AGBL4: variants seen among roughly 807,000 people sequenced by gnomAD.
AGBL4 encodes cytosolic carboxypeptidase 6.
Under a neutral mutation model 66.4 loss-of-function variants are expected in AGBL4, and 58 were observed. The observed-to-expected ratio is 0.87, with a 90% CI of 0.71 to 1.09. The LOEUF (loss-of-function observed/expected upper bound fraction) is 1.09, where lower values mean the gene tolerates loss of function less well. Ranked by LOEUF, AGBL4 falls within the 50% of genes least tolerant of loss-of-function variation. AGBL4 has a pLI of 0.00. For synonymous variants in AGBL4, 234 were observed against 222.9 expected (o/e 1.05, Z -0.44); for missense variants, 579 against 631.0 (o/e 0.92, Z 0.88).
At chr1:49,404,130 C>G (rs1255060958) in intron 3 of AGBL4, among the ~76,000 whole-genome samples, 1 of 152,150 alleles carries the variant, frequency 6.6e-6, no homozygotes, top group Non-Finnish European at 1.5e-5. Flanking sequence ...GGCCACCCCC[C>G]ATTCATACAT....
intron 11 of AGBL4, among the ~76,000 whole-genome samples, chr1:48,580,267 A>G (rs1040292310): frequency 6.6e-6 from 1 of 152,202 alleles, no homozygotes; most frequent in Admixed American, 6.5e-5. Context: ...GGGTGTGTCT[A>G]AAGAAGTTCG....
chr1:48,750,266 G>A (rs962847957), intron 6 of AGBL4, among the ~76,000 whole-genome samples: 2 of 152,146 alleles, frequency 1.3e-5, no homozygotes, highest in African/African-American at 4.8e-5. Context: ...ACCTGTAGGA[G>A]GGGCTGGGGT....
intron 8 of AGBL4, among the ~76,000 whole-genome samples, chr1:48,642,191 G>T (rs992847403): frequency 6.6e-6 from 1 of 152,096 alleles, no homozygotes; most frequent in Admixed American, 6.5e-5. Flanking sequence ...TGTGCCCAAG[G>T]TTTATAGCAA....
At chr1:49,217,910 C>A (rs1440021306) in intron 4 of AGBL4, among the ~76,000 whole-genome samples, 4 of 152,072 alleles carry the variant, frequency 2.6e-5, no homozygotes. Flanking sequence ...TCCAATCTTC[C>A]TACCAGGGCA....
At chr1:48,836,856 G>C (rs1055625871) in intron 6 of AGBL4, among the ~76,000 whole-genome samples, 1 of 151,710 alleles carries the variant, frequency 6.6e-6, no homozygotes, top group African/African-American at 2.4e-5. Flanking sequence ...AATATTTACA[G>C]AACTTCTTTT....
chr1:50,023,756 C>A lies in AGBL4; in HGVS notation c.34+7G>T, dbSNP rs540520422. 3 of 1,549,160 alleles carry A rather than the reference C, an allele frequency of 1.9e-6. No individual in the cohort carries two copies. Among genetic ancestry groups the A allele is most frequent in the South Asian group, 1.2e-5 (1 of 83,774 alleles). ...CAGCCTTCCCCAGATCGGCCGCCCC[C>A]ACAGACCTGCCTCAGGCGCCGACTG... On this transcript the variant is annotated splice_region_variant and intron_variant, in intron 1 of 13. Transcript: ENST00000371839.
intron 6 of AGBL4, among the ~76,000 whole-genome samples, chr1:48,664,273 A>G (rs923036027): frequency 3.3e-5 from 5 of 152,176 alleles, no homozygotes; most frequent in Non-Finnish European, 5.9e-5. Flanking sequence ...TCTTTGTTGG[A>G]TGTGCATACA....
chr1:49,631,738 A>T (rs1276559670), intron 3 of AGBL4, among the ~76,000 whole-genome samples: 1 of 152,338 alleles, frequency 6.6e-6, no homozygotes, highest in Non-Finnish European at 1.5e-5. Context: ...ACAAAGCACC[A>T]TATCTGAAAA....
intron 9 of AGBL4, among the ~76,000 whole-genome samples, chr1:48,627,104 C>T (rs1432431068): frequency 1.3e-5 from 2 of 152,104 alleles, no homozygotes; most frequent in Admixed American, 1.3e-4. Flanking sequence ...GGCCAATGGA[C>T]TCGAAAGCCT....
At chr1:49,013,491 G>T (rs1662599329) in intron 5 of AGBL4, among the ~76,000 whole-genome samples, 1 of 152,198 alleles carries the variant, frequency 6.6e-6, no homozygotes, top group Admixed American at 6.5e-5. Flanking sequence ...ATTTTACAAA[G>T]TTGGAAGGAA....
At chr1:49,354,441 T>A (rs1181889518) in intron 3 of AGBL4, among the ~76,000 whole-genome samples, 1 of 152,244 alleles carries the variant, frequency 6.6e-6, no homozygotes, top group Non-Finnish European at 1.5e-5. Flanking sequence ...TTGTCAGTGA[T>A]ATTTGTTGGG....
intron 1 of AGBL4, among the ~76,000 whole-genome samples, chr1:50,006,300 CT>C (rs1362348479): frequency 1.3e-5 from 2 of 149,916 alleles, no homozygotes; most frequent in Non-Finnish European, 3.0e-5. Flanking sequence ...GATTGCGCCA[CT>C]GCACTCCAGC....
intron 3 of AGBL4, among the ~76,000 whole-genome samples, chr1:49,315,732 C>T (rs991308484): frequency 5.3e-5 from 8 of 151,966 alleles, no homozygotes; most frequent in Non-Finnish European, 1.0e-4. Flanking sequence ...TGTACTCCTA[C>T]CTATGATCTA....
intron 1 of AGBL4, among the ~76,000 whole-genome samples, chr1:50,016,830 C>T (rs1027942075): frequency 1.3e-5 from 2 of 152,178 alleles, no homozygotes; most frequent in African/African-American, 4.8e-5. Context: ...GGAACACATA[C>T]ACATAGTTAA....
intron 8 of AGBL4, among the ~76,000 whole-genome samples, chr1:48,645,389 C>G (rs1386126690): frequency 1.3e-5 from 2 of 152,116 alleles, no homozygotes; most frequent in Non-Finnish European, 2.9e-5. Flanking sequence ...GATTCCTGCC[C>G]TGCCTACACC....
At chr1:48,684,676 A>T (rs1646503603) in intron 6 of AGBL4, among the ~76,000 whole-genome samples, 1 of 152,248 alleles carries the variant, frequency 6.6e-6, no homozygotes, top group Middle Eastern at 3.2e-3. Flanking sequence ...AGGGTGGCCT[A>T]AAAGGCATCA....
chr1:48,910,688 C>T (rs1284677906), intron 5 of AGBL4, among the ~76,000 whole-genome samples: 1 of 152,046 alleles, frequency 6.6e-6, no homozygotes, highest in Non-Finnish European at 1.5e-5. Flanking sequence ...CCGTGGGTGC[C>T]CCTGACCACT....
intron 5 of AGBL4, among the ~76,000 whole-genome samples, chr1:49,007,940 C>A (rs898132993): frequency 6.6e-6 from 1 of 151,670 alleles, no homozygotes; most frequent in African/African-American, 2.4e-5. Flanking sequence ...AATGTAAAGA[C>A]CATCAAGACT....
rs150712547 is a variant in AGBL4, at chr1:49,934,590, C to A, written c.35-83072G>T. 6.3e-3 allele frequency among the ~76,000 whole-genome samples: 963 copies of A among 152,194 alleles called. 40 individuals are homozygous for A. The highest frequency in any genetic ancestry group is 0.059 in the Admixed American group (897 of 15,278). On this transcript the variant is annotated intron_variant, in intron 1 of 13. Transcript: ENST00000371839. ...TCAAAAAAGAAATTAAAAGGAAAAT[C>A]AAAAATTATCTTGAAACAAATTAAA...
Sources: allele counts gnomAD v4.1 joint callset (sites outside exome capture counted in the v4.1 genomes callset), GRCh38; gene constraint gnomAD v4.1.1; transcripts MANE v1.5; gene names NCBI Gene and HGNC (gene_info 2026-07-23, HGNC 2026-07-21).